GPC6: variants seen among roughly 807,000 people sequenced by gnomAD.
GPC6 encodes the protein glypican 6.
In GPC6, 14 loss-of-function variants were observed where a neutral mutation model predicts 55.2. That is an observed-to-expected ratio of 0.25 (90% CI 0.17 to 0.40). The LOEUF (loss-of-function observed/expected upper bound fraction) is 0.40. Ranked by LOEUF, GPC6 falls within the 10% of genes least tolerant of loss-of-function variation. GPC6 has a pLI of 1.00. For synonymous variants in GPC6, 278 were observed against 259.6 expected, an observed-to-expected ratio of 1.07 and a Z score of -0.68; for missense variants, 641 against 708.5, an observed-to-expected ratio of 0.90 and a Z score of 1.08.
chr13:93,755,512 T>C (rs1448136677), intron 2 of GPC6, among the ~76,000 whole-genome samples: 2 of 152,210 alleles, frequency 1.3e-5, no homozygotes, highest in Non-Finnish European at 2.9e-5. Context: ...AAATTCACTT[T>C]AGCTCATGGA....
In GPC6 at chr13:94,084,919, T is replaced by G. The variant is rs1054091282; in HGVS notation, c.877+57025T>G. Among the ~76,000 whole-genome samples, 5 of 152,148 alleles carry G rather than the reference T, an allele frequency of 3.3e-5. No homozygotes were observed. The East Asian group carries it at 9.7e-4, about 29-fold the overall frequency. On this transcript the variant is annotated intron_variant, in intron 4 of 8. Coordinates refer to ENST00000377047, the MANE Select transcript of GPC6 (RefSeq NM_005708.5). ...GCAGGATTATAGGCAGTGAGGAGAATGGTTTGGCCCAGGTGAAGTGAGAGT... is the reference window on the plus strand; with the variant it reads ...GCAGGATTATAGGCAGTGAGGAGAAGGGTTTGGCCCAGGTGAAGTGAGAGT...
At chr13:93,761,976 C>T (rs1690116726) in intron 2 of GPC6, among the ~76,000 whole-genome samples, 1 of 152,128 alleles carries the variant, frequency 6.6e-6, no homozygotes, top group African/African-American at 2.4e-5. Context: ...TCCCATCTAA[C>T]TAAAACTTCG....
At chr13:94,285,469 T>C (rs931327451) in intron 4 of GPC6, among the ~76,000 whole-genome samples, 1 of 152,194 alleles carries the variant, frequency 6.6e-6, no homozygotes, top group Non-Finnish European at 1.5e-5. Flanking sequence ...GCTTCTCACC[T>C]TACCTATAGA....
At chr13:93,860,974 A>G (rs1274743376) in intron 3 of GPC6, among the ~76,000 whole-genome samples, 1 of 151,340 alleles carries the variant, frequency 6.6e-6, no homozygotes, top group Non-Finnish European at 1.5e-5. Context: ...TGGAACTTCT[A>G]CCTTCTAGTT....
chr13:93,696,106 G>A (rs1203807176), intron 2 of GPC6, among the ~76,000 whole-genome samples: 1 of 152,050 alleles, frequency 6.6e-6, no homozygotes, highest in Non-Finnish European at 1.5e-5. Flanking sequence ...GTGTTTTTAG[G>A]TTTGAGATAA....
At chr13:94,369,721 TG>T (rs982220833) in intron 6 of GPC6, among the ~76,000 whole-genome samples, 5 of 151,768 alleles carry the variant, frequency 3.3e-5, no homozygotes, top group African/African-American at 1.2e-4. Flanking sequence ...ATTAGAAGAT[TG>T]GGGGGATCAT....
intron 1 of GPC6, among the ~76,000 whole-genome samples, chr13:93,312,627 C>T (rs9524010): frequency 0.55 from 83,826 of 151,882 alleles, 23,532 homozygotes; most frequent in East Asian, 0.77. Context: ...GAAAACTTAG[C>T]TTAAGTTCTC....
intron 4 of GPC6, among the ~76,000 whole-genome samples, chr13:94,064,618 T>TC (rs1884452536): frequency 6.6e-6 from 1 of 152,072 alleles, no homozygotes; most frequent in Non-Finnish European, 1.5e-5. Context: ...TAAAGCAAAG[T>TC]CCCCAAAGCC....
intron 1 of GPC6, among the ~76,000 whole-genome samples, chr13:93,314,505 C>T (rs1282593433): frequency 1.3e-5 from 2 of 152,140 alleles, no homozygotes; most frequent in Admixed American, 1.3e-4. Context: ...TTTCACACTC[C>T]AACCGCCTAT....
rs71203703 is a variant in GPC6, at chr13:93,788,518, TACAC to T, written c.320-41613_320-41610del. ...CCTATTCTGTTCATTGTTCACTCTT[TACAC>T]ACACACACACACACACACACACCTT... is the stretch of plus-strand genomic sequence containing the variant. On this transcript the variant is annotated intron_variant, in intron 2 of 8. Transcript: ENST00000377047. 3.8e-4 allele frequency among the ~76,000 whole-genome samples: 56 copies of T among 148,026 alleles called. No homozygotes were observed. In the South Asian group the frequency reaches 4.5e-3, roughly 12 times the overall value.
intron 2 of GPC6, among the ~76,000 whole-genome samples, chr13:93,659,124 T>C (rs1173944546): frequency 6.6e-6 from 1 of 151,980 alleles, no homozygotes; most frequent in Non-Finnish European, 1.5e-5. Context: ...GTTTATTTTG[T>C]AATTTGTCAT....
At chr13:93,523,426 G>T in intron 1 of GPC6, among the ~76,000 whole-genome samples, 1 of 145,456 alleles carries the variant, frequency 6.9e-6, no homozygotes. Flanking sequence ...CCTTACAGTT[G>T]GTGTATGACA....
intron 2 of GPC6, among the ~76,000 whole-genome samples, chr13:93,655,802 C>G (rs973091631): frequency 6.6e-6 from 1 of 152,148 alleles, no homozygotes; most frequent in Non-Finnish European, 1.5e-5. Flanking sequence ...AAATAGGGAA[C>G]TTGGCTTTCC....
chr13:93,321,864 G>A (rs978052906), intron 1 of GPC6, among the ~76,000 whole-genome samples: 2 of 152,080 alleles, frequency 1.3e-5, no homozygotes, highest in African/African-American at 4.8e-5. Flanking sequence ...ACCAGCATTA[G>A]CTACCTGCTG....
intron 4 of GPC6, among the ~76,000 whole-genome samples, chr13:94,051,236 T>A (rs1397109751): frequency 6.6e-6 from 1 of 152,210 alleles, no homozygotes; most frequent in Admixed American, 6.5e-5. Context: ...GGTGGGCTAA[T>A]AAGGTTGAAG....
intron 4 of GPC6, among the ~76,000 whole-genome samples, chr13:94,126,334 G>A (rs1886811776): frequency 6.6e-6 from 1 of 152,170 alleles, no homozygotes; most frequent in South Asian, 2.1e-4. Flanking sequence ...AGTGAGCTCT[G>A]ATCATGCAAC....
intron 6 of GPC6, among the ~76,000 whole-genome samples, chr13:94,365,453 A>G (rs1449184852): frequency 6.6e-6 from 1 of 152,224 alleles, no homozygotes; most frequent in South Asian, 2.1e-4. Flanking sequence ...TAGCATAAAT[A>G]TAACACAAGA....
At chr13:94,126,471 A>T (rs1886817570) in intron 4 of GPC6, among the ~76,000 whole-genome samples, 1 of 152,196 alleles carries the variant, frequency 6.6e-6, no homozygotes, top group African/African-American at 2.4e-5. Flanking sequence ...AGCCTTTGTA[A>T]AAAAGTGAAT....
intron 4 of GPC6, among the ~76,000 whole-genome samples, chr13:94,166,461 T>C (rs1216681750): frequency 6.6e-6 from 1 of 152,164 alleles, no homozygotes; most frequent in Non-Finnish European, 1.5e-5. Flanking sequence ...CCACTCTCCA[T>C]AATAGGCCTG....
Sources: gnomAD v4.1 joint callset for allele counts (sites outside exome capture counted in the v4.1 genomes callset) on GRCh38, gnomAD v4.1.1 for gene constraint, MANE v1.5 for transcripts, NCBI Gene and HGNC (gene_info 2026-07-23, HGNC 2026-07-21) for gene names.